CCSER1: variants seen among roughly 807,000 people sequenced by gnomAD.
CCSER1 encodes the protein serine-rich coiled-coil domain-containing protein 1.
Under a neutral mutation model 82.0 loss-of-function variants are expected in CCSER1, and 41 were observed. That is an observed-to-expected ratio of 0.50 (90% CI 0.39 to 0.65). The LOEUF is 0.65. CCSER1 is among the 30% of genes least tolerant of loss of function. The pLI, the probability that CCSER1 is intolerant of heterozygous loss-of-function variation, is 0.00. For missense variants in CCSER1, 1,119 were observed against 1,064.2 expected (o/e 1.05, Z -0.72); for synonymous variants, 414 against 383.9 (o/e 1.08, Z -0.92).
At chr4:90,957,708 A>G (rs1733663235) in intron 9 of CCSER1, among the ~76,000 whole-genome samples, 1 of 136,838 alleles carries the variant, frequency 7.3e-6, no homozygotes, top group African/African-American at 2.7e-5. Flanking sequence ...GTGTATATAT[A>G]TATATATATA....
intron 10 of CCSER1, among the ~76,000 whole-genome samples, chr4:91,248,248 G>A (rs1029753883): frequency 6.6e-6 from 1 of 152,064 alleles, no homozygotes; most frequent in African/African-American, 2.4e-5. Flanking sequence ...GCATAAAATT[G>A]CAACTAATTT....
chr4:90,421,274 A>G (rs765587044), intron 4 of CCSER1, among the ~76,000 whole-genome samples: 1 of 152,156 alleles, frequency 6.6e-6, no homozygotes, highest in Non-Finnish European at 1.5e-5. Flanking sequence ...CTGATACTCT[A>G]TCTTATTAAT....
intron 8 of CCSER1, among the ~76,000 whole-genome samples, chr4:90,898,387 C>T (rs1268208884): frequency 6.8e-6 from 1 of 146,418 alleles, no homozygotes; most frequent in Non-Finnish European, 1.5e-5. Flanking sequence ...AAGCAACTCT[C>T]CTGCCTCAGC....
chr4:90,910,091 G>A (rs1218859619), intron 8 of CCSER1, among the ~76,000 whole-genome samples: 1 of 152,134 alleles, frequency 6.6e-6, no homozygotes, highest in Non-Finnish European at 1.5e-5. Flanking sequence ...TCTTCACATG[G>A]TGGCAGGAAA....
At chr4:90,791,047 G>A (rs1755155920) in intron 7 of CCSER1, among the ~76,000 whole-genome samples, 1 of 152,144 alleles carries the variant, frequency 6.6e-6, no homozygotes, top group African/African-American at 2.4e-5. Context: ...ATTGCTGTGG[G>A]GGGCTTAGGG....
intron 9 of CCSER1, among the ~76,000 whole-genome samples, chr4:91,024,724 TTTATCTC>T (rs1740334757): frequency 6.6e-6 from 1 of 152,074 alleles, no homozygotes; most frequent in African/African-American, 2.4e-5. Flanking sequence ...CAATAAGAGT[TTTATCTC>T]TTATTTCTAT....
At chr4:91,153,542 T>C (rs1319891719) in intron 10 of CCSER1, among the ~76,000 whole-genome samples, 2 of 152,020 alleles carry the variant, frequency 1.3e-5, no homozygotes, top group African/African-American at 4.8e-5. Flanking sequence ...TCCATCCAGC[T>C]TTGTCCTGTT....
intron 9 of CCSER1, among the ~76,000 whole-genome samples, chr4:91,034,582 C>T (rs1352540718): frequency 1.3e-5 from 2 of 151,874 alleles, no homozygotes; most frequent in Non-Finnish European, 2.9e-5. Flanking sequence ...TTTATTGGAG[C>T]GAATTATGGA....
At chr4:90,575,516 A>G (rs985891765) in intron 5 of CCSER1, among the ~76,000 whole-genome samples, 9 of 152,202 alleles carry the variant, frequency 5.9e-5, no homozygotes, top group Admixed American at 5.2e-4. Flanking sequence ...CAACACAGGA[A>G]CTTGAGAGTA....
chr4:91,519,833 G>T (rs1013934104), intron 10 of CCSER1, among the ~76,000 whole-genome samples: 1 of 152,078 alleles, frequency 6.6e-6, no homozygotes, highest in Admixed American at 6.6e-5. Flanking sequence ...CAATATGTTC[G>T]CCTGGATGTT....
At chr4:90,781,030 A>G in intron 7 of CCSER1, 1 of 177,720 alleles carries the variant, frequency 5.6e-6, no homozygotes, top group Non-Finnish European at 1.1e-5. Flanking sequence ...GAGAACAGAA[A>G]CAAGAACAAG....
At chr4:90,460,644 A>G (rs1762780433) in intron 4 of CCSER1, among the ~76,000 whole-genome samples, 1 of 152,148 alleles carries the variant, frequency 6.6e-6, no homozygotes, top group Non-Finnish European at 1.5e-5. Context: ...CATCTTAACA[A>G]ATATCTCAAG....
intron 3 of CCSER1, among the ~76,000 whole-genome samples, chr4:90,319,426 C>T (rs1418139319): frequency 4.6e-5 from 7 of 151,964 alleles, no homozygotes; most frequent in South Asian, 4.1e-4. Context: ...CCGAGGTGGG[C>T]GGGTCATGAG....
chr4:91,300,596 T>C (rs1744592011), intron 10 of CCSER1, among the ~76,000 whole-genome samples: 1 of 151,860 alleles, frequency 6.6e-6, no homozygotes, highest in Non-Finnish European at 1.5e-5. Context: ...CAGTCCATAT[T>C]TGGAGGGATA....
At chr4:90,224,199 T>A (rs1742697598) in intron 1 of CCSER1, among the ~76,000 whole-genome samples, 1 of 152,180 alleles carries the variant, frequency 6.6e-6, no homozygotes, top group Non-Finnish European at 1.5e-5. Context: ...AGAGCCCCAA[T>A]TCATCAGAAG....
intron 3 of CCSER1, among the ~76,000 whole-genome samples, chr4:90,339,916 A>G (rs915247125): frequency 4.0e-5 from 6 of 151,888 alleles, no homozygotes; most frequent in Non-Finnish European, 5.9e-5. Context: ...ATATATATAT[A>G]TAATGAAACA....
intron 8 of CCSER1, among the ~76,000 whole-genome samples, chr4:90,883,811 C>T (rs1340858760): frequency 6.6e-6 from 1 of 151,878 alleles, no homozygotes; most frequent in Non-Finnish European, 1.5e-5. Flanking sequence ...TGAAATTAAA[C>T]ATAACAAAAT....
chr4:91,593,428 G>T (rs1188901689), intron 10 of CCSER1, among the ~76,000 whole-genome samples: 6 of 139,232 alleles, frequency 4.3e-5, no homozygotes, highest in Non-Finnish European at 9.3e-5. Flanking sequence ...TAATATTAAT[G>T]AAATAAATAT....
rs548554431 is a variant in CCSER1, at chr4:91,575,890, A to G, written c.2218-22682A>G. Reference sequence around the variant, plus strand: ...GGTGTAGAGAAAAGGGAACCTTTATATATGGTTCATGAAAATATAAATTGG... The same window carrying G: ...GGTGTAGAGAAAAGGGAACCTTTATGTATGGTTCATGAAAATATAAATTGG... On this transcript the variant is annotated intron_variant, in intron 10 of 10. Coordinates refer to ENST00000509176, the MANE Select transcript of CCSER1 (RefSeq NM_001145065.2). Among the ~76,000 whole-genome samples the G allele has an allele frequency of 3.3e-5, 5 of 152,116 alleles. No individual in the cohort carries two copies. In the South Asian group the frequency reaches 1.0e-3, roughly 32 times the overall value.
Sources: gnomAD v4.1 joint callset for allele counts (sites outside exome capture counted in the v4.1 genomes callset) on GRCh38, gnomAD v4.1.1 for gene constraint, MANE v1.5 for transcripts, NCBI Gene and HGNC (gene_info 2026-07-23, HGNC 2026-07-21) for gene names.